The following UBE2K variants were observed in gnomAD, a reference collection of about 807,000 sequenced individuals.
UBE2K encodes ubiquitin conjugating enzyme E2 K.
A neutral mutation model predicts 30.0 loss-of-function variants in UBE2K; 6 were observed. The observed-to-expected ratio is 0.20, with a 90% CI of 0.11 to 0.39. UBE2K has a LOEUF of 0.39. Among genes scored for constraint, UBE2K ranks in the 10% least tolerant of loss-of-function variants. UBE2K has a pLI of 1.00. For synonymous variants in UBE2K, 86 were observed against 83.7 expected (o/e 1.03, Z -0.15); for missense variants, 61 against 241.6 (o/e 0.25, Z 4.96).
chr4:39,716,738 C>G (rs1719086459), intron 1 of UBE2K, among the ~76,000 whole-genome samples: 1 of 152,086 alleles, frequency 6.6e-6, no homozygotes, highest in Non-Finnish European at 1.5e-5. Context: ...TGGCTCACGC[C>G]TGTAATCCTA....
chr4:39,779,096 T>C lies in UBE2K; in HGVS notation c.*662T>C, dbSNP rs1713455145. Reference sequence around the variant, plus strand: ...AGCTAATATTCTAATGGTAAATTTCTCTGTATCAGGTGGGGAAATGTGCTG... The same window carrying C: ...AGCTAATATTCTAATGGTAAATTTCCCTGTATCAGGTGGGGAAATGTGCTG... On this transcript the variant is annotated 3_prime_UTR_variant, in exon 7 of 7. Coordinates refer to ENST00000261427, the MANE Select transcript of UBE2K (RefSeq NM_005339.5). 2 of 134,308 alleles carry C rather than the reference T, an allele frequency of 1.5e-5. No homozygotes were observed. Among genetic ancestry groups the C allele is most frequent in the Non-Finnish European group, 3.1e-5 (2 of 64,676 alleles). 8.3% of individuals were successfully genotyped at this position (134,308 alleles called of 1,614,324 possible). A position where few individuals can be genotyped will look rare whatever the true frequency, so the allele number is the denominator to read the frequency against.
chr4:39,740,170 C>A (rs1171999890), intron 2 of UBE2K, among the ~76,000 whole-genome samples: 1 of 151,726 alleles, frequency 6.6e-6, no homozygotes, highest in African/African-American at 2.4e-5. Context: ...TATAGTTATT[C>A]TTGAATTTTT....
intron 1 of UBE2K, among the ~76,000 whole-genome samples, chr4:39,703,159 G>A (rs1308875826): frequency 6.6e-6 from 1 of 152,060 alleles, no homozygotes; most frequent in Non-Finnish European, 1.5e-5. Context: ...CCCGGTTAAT[G>A]TTTTTATTTT....
At chr4:39,738,812 G>C (rs1438099200) in intron 2 of UBE2K, among the ~76,000 whole-genome samples, 1 of 151,944 alleles carries the variant, frequency 6.6e-6, no homozygotes, top group Non-Finnish European at 1.5e-5. Context: ...TGAGTAGCTG[G>C]GATTACAGGC....
At chr4:39,712,219 T>TG in intron 1 of UBE2K, among the ~76,000 whole-genome samples, 1 of 104,224 alleles carries the variant, frequency 9.6e-6, no homozygotes, top group Non-Finnish European at 1.9e-5. Flanking sequence ...TTTTTTTTTT[T>TG]GAGACCGAGT....
chr4:39,755,076 G>A (rs552749094), intron 3 of UBE2K, among the ~76,000 whole-genome samples: 1 of 152,126 alleles, frequency 6.6e-6, no homozygotes, highest in African/African-American at 2.4e-5. Flanking sequence ...TTTACATTGT[G>A]CTCTGTTTAG....
chr4:39,716,412 T>C (rs1046412149), intron 1 of UBE2K, among the ~76,000 whole-genome samples: 12 of 152,178 alleles, frequency 7.9e-5, no homozygotes, highest in Admixed American at 7.2e-4. Context: ...CATGCCTGGC[T>C]GATTTTTTTT....
intron 3 of UBE2K, among the ~76,000 whole-genome samples, chr4:39,754,867 C>G (rs946732372): frequency 5.3e-5 from 8 of 152,148 alleles, no homozygotes; most frequent in Non-Finnish European, 1.2e-4. Context: ...AGAATATGGG[C>G]TCAGCTGGTC....
At chr4:39,773,108 A>G (rs1374378222) in intron 4 of UBE2K, among the ~76,000 whole-genome samples, 1 of 152,200 alleles carries the variant, frequency 6.6e-6, no homozygotes, top group African/African-American at 2.4e-5. Flanking sequence ...AGAATCATAA[A>G]TTAAGTGATG....
chr4:39,726,843 C>T (rs763642249), intron 1 of UBE2K, among the ~76,000 whole-genome samples: 24 of 151,906 alleles, frequency 1.6e-4, no homozygotes, highest in Non-Finnish European at 3.4e-4. Context: ...GTGATCTACC[C>T]ACCTCAGCCT....
At chr4:39,771,324 C>T (rs1712813718) in intron 4 of UBE2K, 4 of 1,612,288 alleles carry the variant, frequency 2.5e-6, no homozygotes, top group Non-Finnish European at 2.5e-6. Context: ...GGCTGTCGGC[C>T]ACAATGGTCA....
At position 39,717,967 on chromosome 4, in the gene UBE2K, G is replaced by A. The variant is rs572158244; in HGVS notation, c.64-19453G>A. ...GTGAAGCTGCAGACCTTTGCGGTGAGTGTTACAGCTCATAAAGGCAGTGTG... is the reference window on the plus strand; with the variant it reads ...GTGAAGCTGCAGACCTTTGCGGTGAATGTTACAGCTCATAAAGGCAGTGTG... On this transcript the variant is annotated intron_variant, in intron 1 of 6. Coordinates refer to ENST00000261427, the MANE Select transcript of UBE2K (RefSeq NM_005339.5). Among the ~76,000 whole-genome samples the A allele has an allele frequency of 3.9e-5, 6 of 151,914 alleles. No individual in the cohort carries two copies. The South Asian group carries it at 1.2e-3, about 31-fold the overall frequency.
chr4:39,759,266 A>G (rs1711713088), intron 4 of UBE2K, among the ~76,000 whole-genome samples: 1 of 151,918 alleles, frequency 6.6e-6, no homozygotes, highest in Non-Finnish European at 1.5e-5. Flanking sequence ...TTATTTTAGT[A>G]TATTTGTTTA....
intron 1 of UBE2K, among the ~76,000 whole-genome samples, chr4:39,726,966 C>T (rs977319291): frequency 2.0e-5 from 3 of 152,188 alleles, no homozygotes; most frequent in Non-Finnish European, 4.4e-5. Context: ...TGTCATTGTA[C>T]AGTGAATAAT....
At chr4:39,748,303 A>AGT (rs1721082544) in intron 3 of UBE2K, among the ~76,000 whole-genome samples, 2 of 152,132 alleles carry the variant, frequency 1.3e-5, no homozygotes, top group South Asian at 4.1e-4. Flanking sequence ...GTCATAGCTT[A>AGT]GTGCAGCCTT....
At chr4:39,736,458 G>A (rs62310121) in intron 1 of UBE2K, among the ~76,000 whole-genome samples, 14,048 of 152,086 alleles carry the variant, frequency 0.092, 884 homozygotes, top group Non-Finnish European at 0.14. Context: ...GCAAGACTCC[G>A]TCTCAAAAAA....
rs79636040 is a variant in UBE2K, at chr4:39,760,176, C to A, written c.299+4437C>A. Among the ~76,000 whole-genome samples the A allele has an allele frequency of 5.9e-3, 455 of 77,156 alleles. 1 individual carries two copies. Among genetic ancestry groups the A allele is most frequent in the Middle Eastern group, 0.012 (1 of 82 alleles). The allele number at this position is 77,156 out of a possible 152,430, so 50.6% of individuals were successfully genotyped here. ...TGGGTGACAGAGCGAGACTCTGTCA[C>A]AAAAAAAAAAAAAAAACAGAAAAAA... On this transcript the variant is annotated intron_variant, in intron 4 of 6. Transcript: ENST00000261427.
chr4:39,774,961 C>G, intron 5 of UBE2K, 28 bp downstream of exon 5: 2 of 1,512,180 alleles, frequency 1.3e-6, no homozygotes, highest in Middle Eastern at 1.7e-4. Flanking sequence ...GAAAGACTTT[C>G]TTATATTATG....
At chr4:39,763,623 C>T (rs543077024) in intron 4 of UBE2K, among the ~76,000 whole-genome samples, 4 of 151,738 alleles carry the variant, frequency 2.6e-5, no homozygotes, top group Admixed American at 1.3e-4. Context: ...CATTCATGAG[C>T]GATTTGCCCC....
Sources: gnomAD v4.1 joint callset for allele counts (sites outside exome capture counted in the v4.1 genomes callset) on GRCh38, gnomAD v4.1.1 for gene constraint, MANE v1.5 for transcripts, NCBI Gene and HGNC (gene_info 2026-07-23, HGNC 2026-07-21) for gene names.